Variants in OSBPL9 observed in about 807,000 individuals in gnomAD.
The protein encoded by OSBPL9 is oxysterol-binding protein-related protein 9.
In OSBPL9, 40 loss-of-function variants were observed where a neutral mutation model predicts 106.6. The ratio of observed to expected loss-of-function variants is 0.38; its 90% CI spans 0.29 to 0.49. The LOEUF is 0.49. Among genes scored for constraint, OSBPL9 ranks in the 20% least tolerant of loss-of-function variants. OSBPL9 has a pLI of 0.97. For missense variants in OSBPL9, 609 were observed against 887.2 expected, an observed-to-expected ratio of 0.69 and a Z score of 3.98; for synonymous variants, 269 against 295.4, an observed-to-expected ratio of 0.91 and a Z score of 0.92.
At chr1:51,719,748 G>A (rs1661722697) in intron 4 of OSBPL9, among the ~76,000 whole-genome samples, 1 of 152,110 alleles carries the variant, frequency 6.6e-6, no homozygotes, top group African/African-American at 2.4e-5. Context: ...ATAAAGCCAG[G>A]TGTAAATTTT....
chr1:51,525,924 C>T, the OSBPL9 span, among the ~76,000 whole-genome samples: 12 of 152,020 alleles, frequency 7.9e-5, no homozygotes, highest in Admixed American at 3.3e-4. Flanking sequence ...TCACCTAGAC[C>T]GGAGTGCAGT....
chr1:51,607,174 T>G (rs1212239230), intron 2 of OSBPL9, among the ~76,000 whole-genome samples: 1 of 148,030 alleles, frequency 6.8e-6, no homozygotes, highest in Non-Finnish European at 1.5e-5. Flanking sequence ...CTTTTTTTTT[T>G]TTTTTTTGAG....
chr1:51,784,457 G>A lies in OSBPL9; in HGVS notation c.1704G>A (p.Val568=), dbSNP rs1677133169. The change falls in exon 20 of 24, where the codon GTG becomes GTA. Residue 568 remains valine, a synonymous_variant. Coordinates refer to ENST00000428468, the MANE Select transcript of OSBPL9 (RefSeq NM_024586.6). ...PNGYGRSILT[V]PWVELGGECN... is the part of the protein sequence containing the mutation. ...GATTTTGCAGGTCTATCCTCACAGT[G>A]CCCTGGGTGGAATTAGGAGGAGAAT... 6.2e-7 allele frequency: 1 copy of A among 1,614,106 alleles called. No homozygotes were observed. Among genetic ancestry groups the A allele is most frequent in the South Asian group, 1.1e-5 (1 of 91,080 alleles).
rs1481655394 is a variant in OSBPL9 at position 51,788,994 on chromosome 1, C to CAA, written c.*1207_*1208dup. 6.6e-6 allele frequency among the ~76,000 whole-genome samples: 1 copy of CAA among 152,178 alleles called. No homozygotes were observed. The highest frequency in any genetic ancestry group is 1.5e-5 in the Non-Finnish European group (1 of 68,034). ...TGAGAGGACACAGGCCAGGGCTTCT[C>CAA]AAAGTGCTGCTGCAGGCTTTCTGGT... On this transcript the variant is annotated 3_prime_UTR_variant, in exon 24 of 24. Coordinates refer to ENST00000428468, the MANE Select transcript of OSBPL9 (RefSeq NM_024586.6).
chr1:51,773,022 G>A (rs141043891), intron 14 of OSBPL9, among the ~76,000 whole-genome samples: 2 of 152,120 alleles, frequency 1.3e-5, no homozygotes, highest in Non-Finnish European at 2.9e-5. Context: ...AGCAAACCAC[G>A]CACGGTCTTC....
chr1:51,751,910 T>G (rs974194349), intron 8 of OSBPL9, among the ~76,000 whole-genome samples: 1 of 152,232 alleles, frequency 6.6e-6, no homozygotes, highest in Non-Finnish European at 1.5e-5. Context: ...TTCTTCGCAA[T>G]GGATAACTTG....
chr1:51,787,634 G>A, intron 23 of OSBPL9, 81 bp from the exon 24 acceptor site: 1 of 1,584,988 alleles, frequency 6.3e-7, no homozygotes, highest in South Asian at 1.1e-5. Flanking sequence ...ATGGCGGGGT[G>A]GGGAGCAGAT....
At chr1:51,644,847 T>C (rs1646046820) in intron 1 of OSBPL9, among the ~76,000 whole-genome samples, 1 of 152,152 alleles carries the variant, frequency 6.6e-6, no homozygotes, top group Non-Finnish European at 1.5e-5. Flanking sequence ...TTGAAGAGCT[T>C]TTTCAAGCTA....
chr1:51,753,605 C>T (rs1248951605), intron 8 of OSBPL9, among the ~76,000 whole-genome samples: 2 of 152,112 alleles, frequency 1.3e-5, no homozygotes, highest in Non-Finnish European at 2.9e-5. Context: ...GGAGATAATG[C>T]CATTTGAGAC....
chr1:51,691,828 C>G (rs1375408217), intron 3 of OSBPL9, among the ~76,000 whole-genome samples: 1 of 151,786 alleles, frequency 6.6e-6, no homozygotes, highest in Non-Finnish European at 1.5e-5. Flanking sequence ...GGGTCAGGAA[C>G]TTTAATATCA....
At chr1:51,540,896 C>T in the OSBPL9 span, among the ~76,000 whole-genome samples, 11 of 147,682 alleles carry the variant, frequency 7.4e-5, no homozygotes, top group East Asian at 1.4e-3. Context: ...GAGGTGGAGG[C>T]TGCAGTCAGC....
intron 8 of OSBPL9, among the ~76,000 whole-genome samples, chr1:51,754,919 G>T (rs902864462): frequency 6.6e-6 from 1 of 152,062 alleles, no homozygotes; most frequent in African/African-American, 2.4e-5. Context: ...CAATCCTCCT[G>T]CCTCAGCCAC....
At chr1:51,733,053 C>T (rs1664818416) in intron 4 of OSBPL9, among the ~76,000 whole-genome samples, 1 of 152,220 alleles carries the variant, frequency 6.6e-6, no homozygotes, top group South Asian at 2.1e-4. Flanking sequence ...CATACAGCTC[C>T]TGTGTTAACC....
At chr1:51,590,619 C>CA (rs572208174) in intron 1 of OSBPL9, among the ~76,000 whole-genome samples, 723 of 51,974 alleles carry the variant, frequency 0.014, no homozygotes, top group African/African-American at 0.016. Flanking sequence ...GACTCCGTCT[C>CA]AAAAAAAAAA....
At chr1:51,575,825 T>C (rs1016831285), upstream of OSBPL9, among the ~76,000 whole-genome samples, 6 of 152,244 alleles carry the variant, frequency 3.9e-5, no homozygotes, top group African/African-American at 1.2e-4. Flanking sequence ...ACATGAAAGA[T>C]GTCTTCCCTA....
At chr1:51,587,954 A>G (rs559192758) in intron 1 of OSBPL9, among the ~76,000 whole-genome samples, 5 of 152,324 alleles carry the variant, frequency 3.3e-5, no homozygotes, top group South Asian at 2.1e-4. Flanking sequence ...TGGCTTCCCA[A>G]CTGCTTTTGA....
chr1:51,678,962 G>GT (rs1254462243), intron 3 of OSBPL9, among the ~76,000 whole-genome samples: 1 of 152,086 alleles, frequency 6.6e-6, no homozygotes, highest in Non-Finnish European at 1.5e-5. Context: ...TCCCTCTGTT[G>GT]TTTCATATTT....
At chr1:51,713,923 G>A (rs1660580946) in intron 3 of OSBPL9, 80 bp from the exon 4 acceptor site, 1 of 1,150,040 alleles carries the variant, frequency 8.7e-7, no homozygotes, top group Admixed American at 2.3e-5. Flanking sequence ...AGCCATCATA[G>A]TTTTAAAATG....
the OSBPL9 span, among the ~76,000 whole-genome samples, chr1:51,534,203 C>CA: frequency 5.6e-3 from 770 of 137,450 alleles, 8 homozygotes; most frequent in African/African-American, 0.018. Flanking sequence ...GACTACATCT[C>CA]AAAAAAAAAA....
Sources: allele counts gnomAD v4.1 joint callset (sites outside exome capture counted in the v4.1 genomes callset), GRCh38; gene constraint gnomAD v4.1.1; transcripts MANE v1.5; gene names NCBI Gene and HGNC (gene_info 2026-07-23, HGNC 2026-07-21).